JHY: variants seen among roughly 807,000 people sequenced by gnomAD.
The protein encoded by JHY is jhy protein homolog.
JHY carries 69 observed loss-of-function variants against 78.0 expected under a neutral mutation model. The observed-to-expected ratio is 0.88, with a 90% CI of 0.73 to 1.08. The LOEUF (loss-of-function observed/expected upper bound fraction) is 1.08, where lower values mean the gene tolerates loss of function less well. JHY is among the 50% of genes least tolerant of loss of function. JHY has a pLI of 0.00. For synonymous variants in JHY, 368 were observed against 342.6 expected, an observed-to-expected ratio of 1.07 and a Z score of -0.82; for missense variants, 944 against 927.8, an observed-to-expected ratio of 1.02 and a Z score of -0.23.
intron 4 of JHY, among the ~76,000 whole-genome samples, 198 bp downstream of exon 4, chr11:122,925,208 G>A (rs1185016740): frequency 6.6e-6 from 1 of 152,116 alleles, no homozygotes; most frequent in Non-Finnish European, 1.5e-5. Flanking sequence ...GTTTTTCCAA[G>A]GGTTCTGTTT....
intron 3 of JHY, among the ~76,000 whole-genome samples, chr11:122,906,593 T>C (rs1862999512): frequency 6.6e-6 from 1 of 152,280 alleles, no homozygotes; most frequent in South Asian, 2.1e-4. Context: ...AGGAGAACAT[T>C]TGGGGGTTTT....
chr11:122,910,943 C>T lies in JHY; in HGVS notation c.864+6499C>T, dbSNP rs995725131. ...AATCTTAATCACATGATGTGTGAAG[C>T]GAGGAACCGATGTAAAAACCAACAC... On this transcript the variant is annotated intron_variant, in intron 3 of 8. Coordinates refer to ENST00000227349, the MANE Select transcript of JHY (RefSeq NM_024806.4). Among the ~76,000 whole-genome samples the T allele has an allele frequency of 3.3e-5, 5 of 152,254 alleles. No homozygotes were observed. In the East Asian group the frequency reaches 5.8e-4, roughly 18 times the overall value.
chr11:122,918,980 G>A (rs1863294402), intron 3 of JHY, among the ~76,000 whole-genome samples: 1 of 152,178 alleles, frequency 6.6e-6, no homozygotes, highest in Non-Finnish European at 1.5e-5. Flanking sequence ...TATTGTAGCT[G>A]CCTCTGGGGT....
intron 5 of JHY, among the ~76,000 whole-genome samples, chr11:122,945,719 A>G (rs1439902540): frequency 6.6e-6 from 1 of 152,220 alleles, no homozygotes; most frequent in Non-Finnish European, 1.5e-5. Flanking sequence ...TAGTTTCTTC[A>G]TGTTGGATTT....
Position 122,960,951 on chromosome 11 carries a change from A to C in JHY, c.*1506A>C. ...CTATCATATATCTGTGCAGAACATG[A>C]TGCGTTGAAAGGAACAAGAGCACAT... On this transcript the variant is annotated 3_prime_UTR_variant, in exon 9 of 9. Coordinates refer to ENST00000227349, the MANE Select transcript of JHY (RefSeq NM_024806.4). The C allele has an allele frequency of 1.4e-6, 1 of 730,664 alleles. No individual in the cohort carries two copies. The highest frequency in any genetic ancestry group is 2.6e-5 in the East Asian group (1 of 38,642). 45.3% of individuals were successfully genotyped at this position (730,664 alleles called of 1,614,324 possible).
In JHY at chr11:122,934,908, T is replaced by C. The variant is rs769533686; in HGVS notation, c.1467T>C (p.Ser489=). 6.2e-7 allele frequency: 1 copy of C among 1,614,190 alleles called. No homozygotes were observed. The change falls in exon 5 of 9, where the codon TCT becomes TCC. Residue 489 remains serine, a synonymous_variant. Coordinates refer to ENST00000227349, the MANE Select transcript of JHY (RefSeq NM_024806.4). ...RFSYQQLHTL[S]DMDLNNLNEL... The stretch of plus-strand genomic sequence containing the variant: ...CATATCAGCAGCTACACACCCTTTC[T>C]GACATGGATTTGAACAACCTTAATG...
chr11:122,921,650 T>A (rs1193823177), intron 3 of JHY, among the ~76,000 whole-genome samples: 1 of 152,252 alleles, frequency 6.6e-6, no homozygotes, highest in Non-Finnish European at 1.5e-5. Context: ...TATAAGGATC[T>A]AGTGTTTCAT....
At chr11:122,941,610 T>C (rs1050739532) in intron 5 of JHY, among the ~76,000 whole-genome samples, 1 of 152,252 alleles carries the variant, frequency 6.6e-6, no homozygotes, top group Non-Finnish European at 1.5e-5. Flanking sequence ...AATTACTTCA[T>C]AAATTAATTC....
At position 122,963,143 on chromosome 11, in the gene JHY, G is replaced by C. The variant is rs117607833; in HGVS notation, c.*3698G>C. 0.014 allele frequency among the ~76,000 whole-genome samples: 2,149 copies of C among 152,106 alleles called. 15 individuals are homozygous for C. The highest frequency in any genetic ancestry group is 0.021 in the Non-Finnish European group (1,449 of 67,974). On this transcript the variant is annotated 3_prime_UTR_variant, in exon 9 of 9. Coordinates refer to ENST00000227349, the MANE Select transcript of JHY (RefSeq NM_024806.4). ...AACTTAGAAACTGACCAATAAAAGAGACACTATTTATTTTCTTTTTTTTTT... is the reference window on the plus strand; with the variant it reads ...AACTTAGAAACTGACCAATAAAAGACACACTATTTATTTTCTTTTTTTTTT...
Position 122,959,307 on chromosome 11 carries a change from A to G in JHY, c.2199A>G (p.Ala733=), listed in dbSNP as rs748911227. The G allele has an allele frequency of 5.0e-6, 8 of 1,614,092 alleles. No homozygotes were observed. The East Asian group carries it at 1.8e-4, about 36-fold the overall frequency. Residue 733 remains alanine, a synonymous_variant, in exon 9 of 9, where the codon GCA becomes GCG. Transcript: ENST00000227349. ...AACCATCAAATCTGACTCATCAAGCATCAAAGGAACAAAAAAATCCAACCT... is the reference window on the plus strand; with the variant it reads ...AACCATCAAATCTGACTCATCAAGCGTCAAAGGAACAAAAAAATCCAACCT... ...KPKPSNLTHQ[A]SKEQKNPTYA...
At chr11:122,955,979 G>A (rs1864182031) in intron 6 of JHY, among the ~76,000 whole-genome samples, 1 of 152,076 alleles carries the variant, frequency 6.6e-6, no homozygotes, top group Non-Finnish European at 1.5e-5. Context: ...AGGAACAGTG[G>A]CAAAGTAATA....
rs531020710 is a variant in JHY, at chr11:122,898,270, G to T, written c.345-5655G>T. 6.6e-6 allele frequency among the ~76,000 whole-genome samples: 1 copy of T among 152,040 alleles called. No homozygotes were observed. Among genetic ancestry groups the T allele is most frequent in the African/African-American group, 2.4e-5 (1 of 41,408 alleles). ...TATCTGTTGACCGACTGATCCATTC[G>T]CTGATTCACATAAGGCAGACACTGC... On this transcript the variant is annotated intron_variant, in intron 2 of 8. Coordinates refer to ENST00000227349, the MANE Select transcript of JHY (RefSeq NM_024806.4). The surrounding 1 kb of genome is among the most constrained non-coding windows in gnomAD (Gnocchi z 4.4).
chr11:122,918,061 C>A (rs1223219698), intron 3 of JHY, among the ~76,000 whole-genome samples: 1 of 151,440 alleles, frequency 6.6e-6, no homozygotes, highest in Non-Finnish European at 1.5e-5. Flanking sequence ...CCACCACACC[C>A]AGCTAATTTT....
At chr11:122,928,915 C>T (rs555078799) in intron 4 of JHY, among the ~76,000 whole-genome samples, 217 of 151,184 alleles carry the variant, frequency 1.4e-3, no homozygotes, top group African/African-American at 5.0e-3. Context: ...CCCAAAGTGC[C>T]AGGATTACAG....
chr11:122,896,169 C>T (rs1453795139), intron 2 of JHY, among the ~76,000 whole-genome samples: 1 of 151,578 alleles, frequency 6.6e-6, no homozygotes, highest in Admixed American at 6.6e-5. Flanking sequence ...GTTTCTAAAC[C>T]CTTTGTATTT....
chr11:122,920,820 G>A (rs1047700264), intron 3 of JHY, among the ~76,000 whole-genome samples: 2 of 152,146 alleles, frequency 1.3e-5, no homozygotes, highest in African/African-American at 4.8e-5. Flanking sequence ...AATGCAATTC[G>A]AGAACCACAA....
Position 122,957,349 on chromosome 11 carries a change from GT to G in JHY, c.2011-11del. ...CAGCACCTGGATTCATCATAACTTT[GT>G]TTCTCTGAACAGACGCAAAAATTAA... On this transcript the variant is annotated splice_polypyrimidine_tract_variant and intron_variant, in intron 7 of 8. Coordinates refer to ENST00000227349, the MANE Select transcript of JHY (RefSeq NM_024806.4). The G allele has an allele frequency of 6.6e-7, 1 of 1,512,714 alleles. No individual in the cohort carries two copies. The highest frequency in any genetic ancestry group is 1.5e-5 in the African/African-American group (1 of 68,194). The allele number at this position is 1,512,714 out of a possible 1,614,324, so 93.7% of individuals were successfully genotyped here. A position where few individuals can be genotyped will look rare whatever the true frequency, so the allele number is the denominator to read the frequency against.
chr11:122,948,024 A>G (rs1263340631), intron 6 of JHY, among the ~76,000 whole-genome samples: 3 of 152,292 alleles, frequency 2.0e-5, no homozygotes, highest in East Asian at 3.9e-4. Flanking sequence ...CTCAGCTGTG[A>G]GCCATCAGCA....
chr11:122,900,588 C>T (rs1404552178), intron 2 of JHY, among the ~76,000 whole-genome samples: 1 of 127,190 alleles, frequency 7.9e-6, no homozygotes, highest in Non-Finnish European at 1.6e-5. Flanking sequence ...AAAAGGGAGA[C>T]TTTATATTGG....
Sources: gnomAD v4.1 joint callset for allele counts (sites outside exome capture counted in the v4.1 genomes callset) on GRCh38, gnomAD v4.1.1 for gene constraint, Gnocchi (gnomAD v3.1) non-coding constraint, MANE v1.5 for transcripts, NCBI Gene and HGNC (gene_info 2026-07-23, HGNC 2026-07-21) for gene names.